Variants in EPAS1 observed in about 807,000 individuals in gnomAD.
The protein encoded by EPAS1 is endothelial PAS domain-containing protein 1.
In EPAS1, 23 loss-of-function variants were observed where a neutral mutation model predicts 87.9. That is an observed-to-expected ratio of 0.26 (90% confidence interval 0.19 to 0.37). The LOEUF is 0.37. Among genes scored for constraint, EPAS1 ranks in the 10% least tolerant of loss-of-function variants. The pLI is 1.00. For synonymous variants in EPAS1, 508 were observed against 444.3 expected, an observed-to-expected ratio of 1.14 and a Z score of -1.80; for missense variants, 1,138 against 1,120.7, an observed-to-expected ratio of 1.02 and a Z score of -0.22.
At chr2:46,341,422 C>T (rs538632471) in intron 1 of EPAS1, among the ~76,000 whole-genome samples, 2 of 152,292 alleles carry the variant, frequency 1.3e-5, no homozygotes, top group African/African-American at 2.4e-5. Flanking sequence ...AAAGACAGAG[C>T]GATGGCCACC....
intron 4 of EPAS1, among the ~76,000 whole-genome samples, chr2:46,359,852 C>A (rs1684352681): frequency 6.6e-6 from 1 of 152,136 alleles, no homozygotes; most frequent in Non-Finnish European, 1.5e-5. Flanking sequence ...TGGCACTCTT[C>A]ATTACTTTGT....
In EPAS1 at chr2:46,380,975, T is replaced by G. The variant is rs1041734009; in HGVS notation, c.2045+258T>G. 4.6e-5 allele frequency among the ~76,000 whole-genome samples: 7 copies of G among 152,196 alleles called. No individual in the cohort carries two copies. Among genetic ancestry groups the G allele is most frequent in the African/African-American group, 1.7e-4 (7 of 41,436 alleles). On this transcript the variant is annotated intron_variant, in intron 12 of 15. Transcript: ENST00000263734. This position sits in a 1 kb window ranked among gnomAD's most constrained non-coding sequence, Gnocchi z 4.4. ...GAGCCCTGTACCTCAGTGTCTCCCT[T>G]CGGACCACCACCAGAGTGCCTTTCG... is the stretch of plus-strand genomic sequence containing the variant.
intron 1 of EPAS1, among the ~76,000 whole-genome samples, chr2:46,344,125 T>A (rs1001410673): frequency 6.6e-6 from 1 of 152,246 alleles, no homozygotes; most frequent in African/African-American, 2.4e-5. Context: ...ATACCTACTT[T>A]ATTTTGTTGT....
chr2:46,313,676 T>G (rs531501413), intron 1 of EPAS1, among the ~76,000 whole-genome samples: 2 of 152,222 alleles, frequency 1.3e-5, no homozygotes, highest in African/African-American at 4.8e-5. Context: ...GGTCTCAAAC[T>G]CTGACCTCAG....
In EPAS1 at chr2:46,346,396, C is replaced by A. The variant is rs186937760; in HGVS notation, c.27-477C>A. Reference sequence around the variant, plus strand: ...GCGGGATCTAGGGTTCAGTACTACTCTTAATTTTTTCTGATTGTGTCTTAT... The same window carrying A: ...GCGGGATCTAGGGTTCAGTACTACTATTAATTTTTTCTGATTGTGTCTTAT... On this transcript the variant is annotated intron_variant, in intron 1 of 15. Coordinates refer to ENST00000263734, the MANE Select transcript of EPAS1 (RefSeq NM_001430.5). The surrounding 1 kb of genome is among the most constrained non-coding windows in gnomAD (Gnocchi z 4.0). Among the ~76,000 whole-genome samples the A allele has an allele frequency of 2.6e-4, 39 of 152,300 alleles. No homozygotes were observed. The highest frequency in any genetic ancestry group is 2.1e-3 in the South Asian group (10 of 4,830).
intron 1 of EPAS1, among the ~76,000 whole-genome samples, chr2:46,312,326 T>G (rs1036754020): frequency 1.3e-5 from 2 of 152,206 alleles, no homozygotes; most frequent in African/African-American, 4.8e-5. Context: ...TTCTCTGATG[T>G]GTGTGACCTA....
chr2:46,317,624 G>A (rs1231791640), intron 1 of EPAS1, among the ~76,000 whole-genome samples: 1 of 152,178 alleles, frequency 6.6e-6, no homozygotes, highest in Non-Finnish European at 1.5e-5. Flanking sequence ...AGCTGCATTA[G>A]TCCCTAGTAA....
At chr2:46,358,510 T>G (rs1002850308) in intron 4 of EPAS1, among the ~76,000 whole-genome samples, 1 of 152,230 alleles carries the variant, frequency 6.6e-6, no homozygotes, top group African/African-American at 2.4e-5. Flanking sequence ...GGGTTCTTAG[T>G]GTCAGTTCAG....
In EPAS1 at chr2:46,375,647, C is replaced by T. The variant is rs1553397375; in HGVS notation, c.887-43C>T. Reference sequence around the variant, plus strand: ...TCTGCTGAGCCTGTGGTGCACACCCCTGCCCCACCTCCCTAAGCTCAGCTC... The same window carrying T: ...TCTGCTGAGCCTGTGGTGCACACCCTTGCCCCACCTCCCTAAGCTCAGCTC... On this transcript the variant is annotated intron_variant, in intron 7 of 15. Transcript: ENST00000263734. This position sits in a 1 kb window ranked among gnomAD's most constrained non-coding sequence, Gnocchi z 4.1. The T allele has an allele frequency of 5.6e-6, 9 of 1,603,488 alleles. No homozygotes were observed. Among genetic ancestry groups the T allele is most frequent in the Non-Finnish European group, 7.7e-6 (9 of 1,174,746 alleles).
At chr2:46,344,233 G>A (rs2104869362) in intron 1 of EPAS1, among the ~76,000 whole-genome samples, 1 of 152,316 alleles carries the variant, frequency 6.6e-6, no homozygotes, top group African/African-American at 2.4e-5. Flanking sequence ...CATTGTCAGA[G>A]CATTGACTCC....
rs1558612200 is a variant in EPAS1, at chr2:46,380,601, A to G, written c.1929A>G (p.Pro643=). Residue 643 remains proline (P), a synonymous_variant, in exon 12 of 16, where the codon CCA becomes CCG. Transcript: ENST00000263734. The surrounding 1 kb of genome is among the most constrained non-coding windows in gnomAD (Gnocchi z 4.4). ...GRSNTQWPPD[P]PLHFGPTKWA... is the part of the protein sequence containing the mutation. ...CCAATACCCAGTGGCCCCCAGATCC[A>G]CCATTACATTTTGGGCCCACAAAGT... is the stretch of plus-strand genomic sequence containing the variant. 6.2e-7 allele frequency: 1 copy of G among 1,613,982 alleles called. No homozygotes were observed.
At chr2:46,318,460 A>G (rs1392445567) in intron 1 of EPAS1, among the ~76,000 whole-genome samples, 2 of 152,228 alleles carry the variant, frequency 1.3e-5, no homozygotes, top group Non-Finnish European at 2.9e-5. Flanking sequence ...TTGCCTGACA[A>G]ACCTTCAATT....
At chr2:46,376,398 G>A in intron 8 of EPAS1, 141 bp from the exon 9 acceptor site, 3 of 797,900 alleles carry the variant, frequency 3.8e-6, no homozygotes, top group East Asian at 2.4e-5. Context: ...TCTATTGTAT[G>A]GTTCTTTATA....
At chr2:46,308,692 C>T (rs1257058517) in intron 1 of EPAS1, among the ~76,000 whole-genome samples, 7 of 152,176 alleles carry the variant, frequency 4.6e-5, no homozygotes, top group Admixed American at 2.6e-4. Flanking sequence ...CAGATGCAAA[C>T]GTCAGGCTAG....
At chr2:46,299,213 C>T (rs918566082) in intron 1 of EPAS1, among the ~76,000 whole-genome samples, 5 of 152,270 alleles carry the variant, frequency 3.3e-5, no homozygotes, top group Non-Finnish European at 7.3e-5. Flanking sequence ...CGGTTCCCAC[C>T]TCGGGGCACC....
At chr2:46,366,696 G>C (rs1684508047) in intron 6 of EPAS1, among the ~76,000 whole-genome samples, 1 of 152,168 alleles carries the variant, frequency 6.6e-6, no homozygotes, top group South Asian at 2.1e-4. Context: ...TTCCCAGTGA[G>C]TCAGGGGTCC....
At chr2:46,370,024 A>G in intron 7 of EPAS1, 91 bp downstream of exon 7, 1 of 938,036 alleles carries the variant, frequency 1.1e-6, no homozygotes. Context: ...AGACCAGGTC[A>G]CTTCCTCCAC....
intron 7 of EPAS1, among the ~76,000 whole-genome samples, chr2:46,370,693 G>A (rs113126843): frequency 0.016 from 2,461 of 152,334 alleles, 80 homozygotes; most frequent in African/African-American, 0.056. Flanking sequence ...ATACAATGTA[G>A]TTTTAATTAA....
intron 1 of EPAS1, among the ~76,000 whole-genome samples, chr2:46,344,888 T>C (rs1473122131): frequency 1.3e-5 from 2 of 152,260 alleles, no homozygotes; most frequent in Admixed American, 6.5e-5. Context: ...CGGAGCTGGA[T>C]AGTCTGTCTT....
Sources: gnomAD v4.1 joint callset for allele counts (sites outside exome capture counted in the v4.1 genomes callset) on GRCh38, gnomAD v4.1.1 for gene constraint, Gnocchi (gnomAD v3.1) non-coding constraint, MANE v1.5 for transcripts, NCBI Gene and HGNC (gene_info 2026-07-23, HGNC 2026-07-21) for gene names.